The following HPGD variants were observed in gnomAD, a reference collection of about 807,000 sequenced individuals.
HPGD encodes the protein 15-hydroxyprostaglandin dehydrogenase [NAD(+)].
A neutral mutation model predicts 30.0 loss-of-function variants in HPGD; 29 were observed. That is an observed-to-expected ratio of 0.97 (90% CI 0.72 to 1.32). The LOEUF (loss-of-function observed/expected upper bound fraction) is 1.32. Among genes scored for constraint, HPGD ranks in the 40% most tolerant of loss-of-function variants. HPGD has a pLI of 0.00. For synonymous variants in HPGD, 99 were observed against 112.4 expected (o/e 0.88, Z 0.75); for missense variants, 340 against 322.1 (o/e 1.06, Z -0.43).
At chr4:174,522,646 C>G (rs1736226265), upstream of HPGD, 2 of 474,660 alleles carry the variant, frequency 4.2e-6, no homozygotes, top group Non-Finnish European at 7.3e-6. Context: ...CGTTCTGGAG[C>G]GCCAAGCTTC....
rs562848448 is a variant in HPGD at position 174,502,474 on chromosome 4, G to T, written c.421+6222C>A. Among the ~76,000 whole-genome samples, 56 of 152,072 alleles carry T rather than the reference G, an allele frequency of 3.7e-4. 1 individual carries two copies. The South Asian group carries it at 4.4e-3, about 12-fold the overall frequency. On this transcript the variant is annotated intron_variant, in intron 4 of 6. Coordinates refer to ENST00000296522, the MANE Select transcript of HPGD (RefSeq NM_000860.6). The stretch of plus-strand genomic sequence containing the variant: ...TGGGCGGATCACGAGGTCAGGAGAT[G>T]GTGACCATCCTGGCTAACACGGTGA...
Position 174,496,003 on chromosome 4 carries a change from G to C in HPGD, c.422-379C>G, listed in dbSNP as rs1277427404. Among the ~76,000 whole-genome samples the C allele has an allele frequency of 6.6e-6, 1 of 152,148 alleles. No homozygotes were observed. The highest frequency in any genetic ancestry group is 1.5e-5 in the Non-Finnish European group (1 of 68,024). On this transcript the variant is annotated intron_variant, in intron 4 of 6. Transcript: ENST00000296522. This position sits in a 1 kb window ranked among gnomAD's most constrained non-coding sequence, Gnocchi z 4.6. ...CATTTTTAAGTCTGGATTTTAAAAA[G>C]TATATATTCTACATTTTTAAAGCTT...
At chr4:174,497,017 AG>A (rs1734630755) in intron 4 of HPGD, among the ~76,000 whole-genome samples, 1 of 152,250 alleles carries the variant, frequency 6.6e-6, no homozygotes, top group Non-Finnish European at 1.5e-5. Context: ...ATGTTTCCAC[AG>A]GCTACATAGG....
intron 3 of HPGD, among the ~76,000 whole-genome samples, chr4:174,515,485 T>A (rs1255280251): frequency 6.6e-6 from 1 of 152,018 alleles, no homozygotes; most frequent in African/African-American, 2.4e-5. Flanking sequence ...CTGGACCCCT[T>A]CCTTACACCA....
At chr4:174,495,696 G>T in intron 4 of HPGD, 72 bp from the exon 5 acceptor site, 1 of 988,298 alleles carries the variant, frequency 1.0e-6, no homozygotes, top group Non-Finnish European at 1.6e-6. Flanking sequence ...TAATGAAAAT[G>T]CAAATGAATA....
chr4:174,506,382 A>G (rs563136396), intron 4 of HPGD, among the ~76,000 whole-genome samples: 1 of 152,342 alleles, frequency 6.6e-6, no homozygotes, highest in East Asian at 1.9e-4. Flanking sequence ...AAACGATTTC[A>G]GTTGCTTTTA....
chr4:174,495,075 G>A (rs1054707685), intron 5 of HPGD, among the ~76,000 whole-genome samples: 3 of 152,188 alleles, frequency 2.0e-5, no homozygotes, highest in African/African-American at 7.2e-5. Flanking sequence ...TTTTTCTAAG[G>A]TCTGTGCACC....
intron 4 of HPGD, chr4:174,507,308 T>G (rs1560982610): frequency 6.6e-6 from 1 of 152,178 alleles, no homozygotes; most frequent in South Asian, 2.1e-4. Context: ...GTAATAGCTT[T>G]AGGGACATGA....
intron 3 of HPGD, among the ~76,000 whole-genome samples, chr4:174,511,845 A>G (rs1030432988): frequency 6.6e-6 from 1 of 152,000 alleles, no homozygotes; most frequent in Non-Finnish European, 1.5e-5. Context: ...ACGGGGTTTC[A>G]TCGTGTTAGC....
Position 174,522,057 on chromosome 4 carries a change from A to AC in HPGD, c.103dup (p.Val35GlyfsTer6). On this transcript the variant is annotated frameshift_variant, in exon 2 of 7. Transcript: ENST00000296522. LOFTEE classifies it high-confidence loss of function. ...TACACCTGCTTCAAGATTCCAATCC[A>AC]CCAGCGCTACCTATAGACAAGAGGA... 1 of 1,614,214 alleles carries AC rather than the reference A, an allele frequency of 6.2e-7. No homozygotes were observed. Among genetic ancestry groups the AC allele is most frequent in the Non-Finnish European group, 8.5e-7 (1 of 1,180,032 alleles).
At chr4:174,503,408 T>C (rs1441615368) in intron 4 of HPGD, among the ~76,000 whole-genome samples, 1 of 152,244 alleles carries the variant, frequency 6.6e-6, no homozygotes, top group Non-Finnish European at 1.5e-5. Context: ...ATTGTTCAAC[T>C]ATAAATTGGA....
At position 174,508,729 on chromosome 4, in the gene HPGD, C is replaced by T. The variant is rs751288441; in HGVS notation, c.388G>A (p.Gly130Ser). 6.2e-7 allele frequency: 1 copy of T among 1,610,510 alleles called. No homozygotes were observed. Among genetic ancestry groups the T allele is most frequent in the Non-Finnish European group, 8.5e-7 (1 of 1,177,004 alleles). The change falls in exon 4 of 7, where the codon GGC becomes AGC. Residue 130 changes from glycine to serine, a missense_variant. By Grantham distance (56) the Gly-to-Ser change is moderately conservative. Coordinates refer to ENST00000296522, the MANE Select transcript of HPGD (RefSeq NM_000860.6). ...GATGACATATTGATAATGATGCCGC[C>T]TTCACCTCCATTTTGCTTACTCATG... is the stretch of plus-strand genomic sequence containing the variant. ...DYMSKQNGGE[G>S]GIIINMSSLA... is the part of the protein sequence containing the mutation.
At chr4:174,500,170 A>T (rs1287048551) in intron 4 of HPGD, among the ~76,000 whole-genome samples, 1 of 152,218 alleles carries the variant, frequency 6.6e-6, no homozygotes, top group Non-Finnish European at 1.5e-5. Flanking sequence ...TATGATAAAT[A>T]TCAGATGTTA....
chr4:174,509,481 C>CAGCT (rs1156330482), intron 3 of HPGD, among the ~76,000 whole-genome samples: 3 of 152,156 alleles, frequency 2.0e-5, no homozygotes, highest in African/African-American at 7.2e-5. Context: ...GGGAGGCAAT[C>CAGCT]AGCTAGAGAT....
chr4:174,490,941 C>CA lies in HPGD; in HGVS notation c.*1014dup, dbSNP rs1338453676. On this transcript the variant is annotated 3_prime_UTR_variant, in exon 7 of 7. Coordinates refer to ENST00000296522, the MANE Select transcript of HPGD (RefSeq NM_000860.6). This position sits in a 1 kb window ranked among gnomAD's most constrained non-coding sequence, Gnocchi z 4.4. ...TTAAGATAGCTGACAACAAAAAAAGCAAAACCTCACAGCTATTTTTATGTC... is the reference window on the plus strand; with the variant it reads ...TTAAGATAGCTGACAACAAAAAAAGCAAAAACCTCACAGCTATTTTTATGTC... 6.6e-6 allele frequency: 1 copy of CA among 152,192 alleles called. No individual in the cohort carries two copies. The highest frequency in any genetic ancestry group is 1.9e-4 in the East Asian group (1 of 5,334). 9.4% of individuals were successfully genotyped at this position (152,192 alleles called of 1,614,324 possible).
rs540755460 is a variant in HPGD at position 174,506,117 on chromosome 4, C to A, written c.421+2579G>T. 2.2e-4 allele frequency among the ~76,000 whole-genome samples: 33 copies of A among 152,156 alleles called. No homozygotes were observed. In the East Asian group the frequency reaches 6.0e-3, roughly 28 times the overall value. On this transcript the variant is annotated intron_variant, in intron 4 of 6. Transcript: ENST00000296522. ...GGGGTTGGCGGGAGGTGGCGGTGAGCGGGATGACAAAGCAAGCTCCTAGCC... is the reference window on the plus strand; with the variant it reads ...GGGGTTGGCGGGAGGTGGCGGTGAGAGGGATGACAAAGCAAGCTCCTAGCC...
intron 2 of HPGD, 119 bp from the exon 3 acceptor site, chr4:174,518,196 C>T: frequency 1.6e-6 from 1 of 608,410 alleles, no homozygotes; most frequent in South Asian, 2.2e-5. Context: ...AGTTACTAAA[C>T]TCATGGGCTG....
At chr4:174,505,780 G>C (rs1386101583) in intron 4 of HPGD, among the ~76,000 whole-genome samples, 1 of 152,176 alleles carries the variant, frequency 6.6e-6, no homozygotes, top group African/African-American at 2.4e-5. Flanking sequence ...ATTACGAAGA[G>C]AGGGTGCCAA....
chr4:174,522,534 C>CGCGCGA (rs1424218548), upstream of HPGD: 30 of 1,041,328 alleles, frequency 2.9e-5, no homozygotes, highest in Admixed American at 2.5e-4. Context: ...TGCGCGCGCG[C>CGCGCGA]GCGTGCAGCC....
Sources: allele counts gnomAD v4.1 joint callset (sites outside exome capture counted in the v4.1 genomes callset), GRCh38; gene constraint gnomAD v4.1.1; non-coding constraint Gnocchi (gnomAD v3.1); transcripts MANE v1.5; gene names NCBI Gene and HGNC (gene_info 2026-07-23, HGNC 2026-07-21).